NAA15: variants seen among roughly 807,000 people sequenced by gnomAD.
NAA15 encodes the protein N-alpha-acetyltransferase 15, NatA auxiliary subunit, also known as N-terminal acetyltransferase.
A neutral mutation model predicts 114.0 loss-of-function variants in NAA15; 34 were observed. That is an observed-to-expected ratio of 0.30 (90% CI 0.23 to 0.40). The LOEUF is 0.40. Ranked by LOEUF, NAA15 falls within the 10% of genes least tolerant of loss-of-function variation. NAA15 has a pLI of 1.00. For missense variants in NAA15, 658 were observed against 1,004.5 expected (o/e 0.66, Z 4.66); for synonymous variants, 340 against 338.0 (o/e 1.01, Z -0.06).
rs752214750 is a variant in NAA15, at chr4:139,378,890, A to C, written c.2155+36A>C. 1.3e-5 allele frequency: 17 copies of C among 1,295,418 alleles called. No homozygotes were observed. The South Asian group carries it at 2.3e-4, about 18-fold the overall frequency. 80.2% of individuals were successfully genotyped at this position (1,295,418 alleles called of 1,614,324 possible). A position where few individuals can be genotyped will look rare whatever the true frequency, so the allele number is the denominator to read the frequency against. ...GTTTTCCATTACTTAAGTATTTGAT[A>C]CAGTGGTTGATGGTGACGGTATAAG... On this transcript the variant is annotated intron_variant, in intron 17 of 19. Coordinates refer to ENST00000296543, the MANE Select transcript of NAA15 (RefSeq NM_057175.5).
At chr4:139,380,634 A>C (rs1007744683) in intron 17 of NAA15, among the ~76,000 whole-genome samples, 3 of 152,186 alleles carry the variant, frequency 2.0e-5, no homozygotes, top group Non-Finnish European at 4.4e-5. Context: ...GAGTATCTAT[A>C]CTGGCTATAC....
intron 1 of NAA15, among the ~76,000 whole-genome samples, chr4:139,315,080 T>TAGGTTAGGTTAGGTTAG (rs1746364799): frequency 1.3e-5 from 1 of 78,432 alleles, no homozygotes. Flanking sequence ...GTTTAGTTTT[T>TAGGTTAGGTTAGGTTAG]GAGACGGAGT....
At chr4:139,361,199 T>C (rs1748121764) in intron 13 of NAA15, among the ~76,000 whole-genome samples, 1 of 152,168 alleles carries the variant, frequency 6.6e-6, no homozygotes, top group African/African-American at 2.4e-5. Flanking sequence ...AAGTATAGAA[T>C]ACCAAAGCTT....
chr4:139,382,039 C>G (rs1232220551), intron 17 of NAA15, among the ~76,000 whole-genome samples: 3 of 152,062 alleles, frequency 2.0e-5, no homozygotes, highest in African/African-American at 7.2e-5. Flanking sequence ...TTACCACATT[C>G]AAAGGCTTTT....
chr4:139,365,426 G>T (rs577559439), intron 14 of NAA15, among the ~76,000 whole-genome samples: 64 of 152,238 alleles, frequency 4.2e-4, no homozygotes, highest in African/African-American at 1.5e-3. Context: ...TTACATCCTT[G>T]CTCTGCCTTT....
intron 1 of NAA15, among the ~76,000 whole-genome samples, chr4:139,315,001 T>TTCAGTTCAGGTTAGGTTAGG (rs1181192026): frequency 5.4e-5 from 4 of 74,352 alleles, no homozygotes; most frequent in Admixed American, 1.5e-4. Context: ...TTCAGTTCAG[T>TTCAGTTCAGGTTAGGTTAGG]TTAGTTTAGG....
intron 6 of NAA15, among the ~76,000 whole-genome samples, chr4:139,347,636 T>C (rs1333110512): frequency 6.6e-6 from 1 of 152,186 alleles, no homozygotes; most frequent in Non-Finnish European, 1.5e-5. Flanking sequence ...AATGAGATCC[T>C]GTCTTCAAAA....
At position 139,390,127 on chromosome 4, in the gene NAA15, T is replaced by C. The variant is rs1749016580; in HGVS notation, c.*2043T>C. 2.6e-5 allele frequency: 4 copies of C among 152,654 alleles called. No homozygotes were observed. The highest frequency in any genetic ancestry group is 1.9e-4 in the East Asian group (1 of 5,202). The allele number at this position is 152,654 out of a possible 1,614,324, so 9.5% of individuals were successfully genotyped here. Reference sequence around the variant, plus strand: ...CTACTGTATATTGAAATGAAATTCATTTATTTGTCTTGACAATGTTCAAAT... The same window carrying C: ...CTACTGTATATTGAAATGAAATTCACTTATTTGTCTTGACAATGTTCAAAT... On this transcript the variant is annotated 3_prime_UTR_variant, in exon 20 of 20. Transcript: ENST00000296543.
At chr4:139,363,660 T>G (rs760291602) in intron 14 of NAA15, among the ~76,000 whole-genome samples, 1 of 152,224 alleles carries the variant, frequency 6.6e-6, no homozygotes, top group Non-Finnish European at 1.5e-5. Context: ...TACATAATTA[T>G]GTGCATATTT....
chr4:139,308,127 A>G (rs774020502), intron 1 of NAA15, among the ~76,000 whole-genome samples: 3 of 151,750 alleles, frequency 2.0e-5, no homozygotes, highest in Non-Finnish European at 4.4e-5. Context: ...ACACCCAGCT[A>G]ATTTTTTGTA....
At chr4:139,368,409 CTATT>C (rs1247440645) in intron 14 of NAA15, among the ~76,000 whole-genome samples, 3 of 152,096 alleles carry the variant, frequency 2.0e-5, no homozygotes, top group South Asian at 2.1e-4. Context: ...GACCCTGTCT[CTATT>C]TATATTTTAA....
chr4:139,323,351 G>T (rs945296140), intron 1 of NAA15, among the ~76,000 whole-genome samples: 1 of 152,148 alleles, frequency 6.6e-6, no homozygotes, highest in Non-Finnish European at 1.5e-5. Flanking sequence ...GTGCCACTAT[G>T]TCTGGCTAAT....
chr4:139,312,532 C>T (rs1746256634), intron 1 of NAA15, among the ~76,000 whole-genome samples: 1 of 151,878 alleles, frequency 6.6e-6, no homozygotes, highest in Non-Finnish European at 1.5e-5. Context: ...TAATCCCTTA[C>T]ACTTTTAACT....
At chr4:139,318,637 T>C (rs1249053015) in intron 1 of NAA15, among the ~76,000 whole-genome samples, 1 of 152,146 alleles carries the variant, frequency 6.6e-6, no homozygotes, top group Non-Finnish European at 1.5e-5. Context: ...GCTGATTGCC[T>C]GAGGTCAGGA....
chr4:139,356,079 T>G (rs1458889896), intron 10 of NAA15, among the ~76,000 whole-genome samples: 1 of 152,180 alleles, frequency 6.6e-6, no homozygotes, highest in African/African-American at 2.4e-5. Context: ...AGCAAATACG[T>G]TTTTAAAAAG....
chr4:139,351,770 C>T (rs878946820), intron 9 of NAA15, among the ~76,000 whole-genome samples, 159 bp downstream of exon 9: 2 of 151,986 alleles, frequency 1.3e-5, no homozygotes, highest in African/African-American at 4.8e-5. Flanking sequence ...CTCTTTTTTC[C>T]ATTTCATCCT....
At chr4:139,349,133 A>G (rs943395629) in intron 6 of NAA15, among the ~76,000 whole-genome samples, 8 of 152,220 alleles carry the variant, frequency 5.3e-5, no homozygotes, top group Non-Finnish European at 1.0e-4. Flanking sequence ...AAGTTGTTCC[A>G]TATGATATCA....
intron 10 of NAA15, among the ~76,000 whole-genome samples, chr4:139,356,056 A>G (rs888218335): frequency 2.0e-5 from 3 of 152,206 alleles, no homozygotes; most frequent in African/African-American, 7.2e-5. Context: ...GTTCAATAGC[A>G]TCCTTCAAAG....
chr4:139,321,521 G>A (rs1205463870), intron 1 of NAA15, among the ~76,000 whole-genome samples: 2 of 144,342 alleles, frequency 1.4e-5, no homozygotes, highest in African/African-American at 5.2e-5. Flanking sequence ...GCCCAGGCTG[G>A]AGTGCAGTGG....
Sources: gnomAD v4.1 joint callset for allele counts (sites outside exome capture counted in the v4.1 genomes callset) on GRCh38, gnomAD v4.1.1 for gene constraint, MANE v1.5 for transcripts, NCBI Gene and HGNC (gene_info 2026-07-23, HGNC 2026-07-21) for gene names.